The following MTO1 variants were observed in gnomAD, a reference collection of about 807,000 sequenced individuals.
MTO1 encodes 5-taurinomethyluridine-[tRNA] synthase subunit MTO1, mitochondrial.
MTO1 carries 46 observed loss-of-function variants against 71.6 expected under a neutral mutation model. That is an observed-to-expected ratio of 0.64 (90% CI 0.51 to 0.82). The LOEUF is 0.82. MTO1 is among the 40% of genes least tolerant of loss of function. The pLI is 0.00. For synonymous variants in MTO1, 297 were observed against 312.1 expected (o/e 0.95, Z 0.51); for missense variants, 773 against 867.5 (o/e 0.89, Z 1.37).
intron 9 of MTO1, among the ~76,000 whole-genome samples, chr6:73,486,124 G>A (rs1451961287): frequency 6.6e-6 from 1 of 152,094 alleles, no homozygotes; most frequent in African/African-American, 2.4e-5. Flanking sequence ...GTTGAGAATA[G>A]CTCAAAGCCT....
intron 3 of MTO1, among the ~76,000 whole-genome samples, chr6:73,469,291 TA>T (rs1284474533): frequency 6.6e-6 from 1 of 152,072 alleles, no homozygotes; most frequent in East Asian, 2.0e-4. Context: ...GTGTTGGGAT[TA>T]CAGGCATGAG....
intron 6 of MTO1, 25 bp from the exon 7 acceptor site, chr6:73,480,650 T>C: frequency 8.1e-6 from 13 of 1,612,722 alleles, no homozygotes; most frequent in Non-Finnish European, 1.1e-5. Flanking sequence ...TATTTACTTA[T>C]TTAATGTCTT....
intron 9 of MTO1, among the ~76,000 whole-genome samples, chr6:73,490,878 T>C (rs1238423093): frequency 6.6e-6 from 1 of 152,098 alleles, no homozygotes; most frequent in African/African-American, 2.4e-5. Flanking sequence ...GGGGGCTTTG[T>C]AATATCAAGA....
At chr6:73,472,536 TACTC>T (rs1365504906) in intron 3 of MTO1, among the ~76,000 whole-genome samples, 1 of 152,202 alleles carries the variant, frequency 6.6e-6, no homozygotes, top group Non-Finnish European at 1.5e-5. Context: ...TTAGCCTTCT[TACTC>T]ATTTAAAATT....
At chr6:73,465,715 G>A (rs192760840) in intron 1 of MTO1, among the ~76,000 whole-genome samples, 7 of 152,190 alleles carry the variant, frequency 4.6e-5, no homozygotes, top group East Asian at 3.9e-4. Context: ...GGCCGGGCGC[G>A]GTGGCTCACG....
At chr6:73,486,599 C>T (rs1162755692) in intron 9 of MTO1, 1 of 434,904 alleles carries the variant, frequency 2.3e-6, no homozygotes, top group Non-Finnish European at 4.6e-6. Flanking sequence ...ATTTTCCAGG[C>T]GTGGTGGCAG....
intron 11 of MTO1, among the ~76,000 whole-genome samples, chr6:73,498,949 G>A (rs574856462): frequency 6.6e-6 from 1 of 151,984 alleles, no homozygotes; most frequent in African/African-American, 2.4e-5. Context: ...GGATGGTCTC[G>A]ATCTCCTGAC....
Position 73,497,727 on chromosome 6 carries a change from G to A in MTO1, c.1757-9G>A. On this transcript the variant is annotated splice_polypyrimidine_tract_variant and intron_variant, in intron 10 of 11. Coordinates refer to ENST00000498286, the MANE Select transcript of MTO1 (RefSeq NM_012123.4). Reference sequence around the variant, plus strand: ...GGTATTATAACATGATTCTGATTTTGTTGACCAGCCACTTATGAATCAGTG... The same window carrying A: ...GGTATTATAACATGATTCTGATTTTATTGACCAGCCACTTATGAATCAGTG... 1 of 1,607,834 alleles carries A rather than the reference G, an allele frequency of 6.2e-7. No individual in the cohort carries two copies.
intron 10 of MTO1, among the ~76,000 whole-genome samples, chr6:73,497,352 C>T (rs1772016569): frequency 2.0e-5 from 3 of 151,596 alleles, no homozygotes; most frequent in Admixed American, 2.0e-4. Flanking sequence ...TGGCATTTCA[C>T]CATGTTCCCC....
At chr6:73,487,140 A>G (rs1307012441) in intron 9 of MTO1, among the ~76,000 whole-genome samples, 1 of 151,532 alleles carries the variant, frequency 6.6e-6, no homozygotes, top group Non-Finnish European at 1.5e-5. Context: ...GTTAATGTAC[A>G]TGTTAGTGCT....
At chr6:73,488,937 C>A (rs1221843191) in intron 9 of MTO1, among the ~76,000 whole-genome samples, 1 of 152,098 alleles carries the variant, frequency 6.6e-6, no homozygotes, top group African/African-American at 2.4e-5. Flanking sequence ...ACAACAACAA[C>A]AACAAAATGG....
In MTO1 at chr6:73,508,694, T is replaced by C. The variant is rs1276715091; in HGVS notation, c.*7959T>C. 6.6e-6 allele frequency: 1 copy of C among 152,102 alleles called. No homozygotes were observed. Among genetic ancestry groups the C allele is most frequent in the East Asian group, 1.9e-4 (1 of 5,190 alleles). 9.4% of individuals were successfully genotyped at this position (152,102 alleles called of 1,614,324 possible). A position where few individuals can be genotyped will look rare whatever the true frequency, so the allele number is the denominator to read the frequency against. On this transcript the variant is annotated 3_prime_UTR_variant, in exon 12 of 12. Coordinates refer to ENST00000498286, the MANE Select transcript of MTO1 (RefSeq NM_012123.4). Reference sequence around the variant, plus strand: ...AAGAAATGCATCCCTAACTTCAACATAAAGATAGCTATGAGAAAACATTCT... The same window carrying C: ...AAGAAATGCATCCCTAACTTCAACACAAAGATAGCTATGAGAAAACATTCT...
At chr6:73,469,657 G>A (rs1015349487) in intron 3 of MTO1, among the ~76,000 whole-genome samples, 15 of 151,488 alleles carry the variant, frequency 9.9e-5, no homozygotes, top group Non-Finnish European at 1.5e-5. Flanking sequence ...ACACTTAACT[G>A]GAAGATTTGT....
At chr6:73,476,834 G>C (rs1006421904) in intron 4 of MTO1, among the ~76,000 whole-genome samples, 12 of 151,142 alleles carry the variant, frequency 7.9e-5, no homozygotes, top group Non-Finnish European at 1.5e-4. Context: ...TATCCCCCAG[G>C]CTGGAGTGCA....
rs568194950 is a variant in MTO1, at chr6:73,480,199, A to C, written c.1129+73A>C. ...AATGGTCAGTGAGGAGGCCTTAGCT[A>C]CAGTCATTGTTGTTCAGAGCCTCAG... is the stretch of plus-strand genomic sequence containing the variant. On this transcript the variant is annotated intron_variant, in intron 6 of 11. Coordinates refer to ENST00000498286, the MANE Select transcript of MTO1 (RefSeq NM_012123.4). The C allele has an allele frequency of 3.5e-6, 5 of 1,418,868 alleles. No individual in the cohort carries two copies. In the East Asian group the frequency reaches 1.1e-4, roughly 32 times the overall value. 87.9% of individuals were successfully genotyped at this position (1,418,868 alleles called of 1,614,324 possible). A position where few individuals can be genotyped will look rare whatever the true frequency, so the allele number is the denominator to read the frequency against.
chr6:73,505,832 T>G lies in MTO1; in HGVS notation c.*5097T>G, dbSNP rs1276984274. On this transcript the variant is annotated 3_prime_UTR_variant, in exon 12 of 12. Coordinates refer to ENST00000498286, the MANE Select transcript of MTO1 (RefSeq NM_012123.4). Reference sequence around the variant, plus strand: ...TCCCAAAGTGCTGGGATTACAGGGGTGAGCCACCATGCCCAGTCCAGAATT... The same window carrying G: ...TCCCAAAGTGCTGGGATTACAGGGGGGAGCCACCATGCCCAGTCCAGAATT... The G allele has an allele frequency of 2.0e-5, 3 of 151,818 alleles. No homozygotes were observed. Among genetic ancestry groups the G allele is most frequent in the Non-Finnish European group, 4.4e-5 (3 of 67,966 alleles). The allele number at this position is 151,818 out of a possible 1,614,324, so 9.4% of individuals were successfully genotyped here. A position where few individuals can be genotyped will look rare whatever the true frequency, so the allele number is the denominator to read the frequency against.
rs984687775 is a variant in MTO1 at position 73,500,701 on chromosome 6, G to A, written c.2045G>A (p.Cys682Tyr). ...NESSKTDQYLCDADRLQEREL is the reference protein window; with the variant it reads ...NESSKTDQYLYDADRLQEREL ...TCATCCAAGACTGATCAATACTTAT[G>A]TGATGCAGACAGACTTCAAGAGAGA... The change falls in exon 12 of 12, where the codon TGT becomes TAT. Residue 682 changes from cysteine (C) to tyrosine (Y), a missense_variant. Transcript: ENST00000498286. 1 of 1,607,110 alleles carries A rather than the reference G, an allele frequency of 6.2e-7. No individual in the cohort carries two copies. The highest frequency in any genetic ancestry group is 1.7e-4 in the Middle Eastern group (1 of 6,042).
chr6:73,503,819 C>G lies in MTO1; in HGVS notation c.*3084C>G, dbSNP rs1772221526. On this transcript the variant is annotated 3_prime_UTR_variant, in exon 12 of 12. Transcript: ENST00000498286. ...CTATGCTAAATTAAACGATTATGGC[C>G]TTGAAAATGAAGTTCCTTTATAGCC... The G allele has an allele frequency of 6.6e-6, 1 of 152,130 alleles. No individual in the cohort carries two copies. The highest frequency in any genetic ancestry group is 6.6e-5 in the Admixed American group (1 of 15,264). 9.4% of individuals were successfully genotyped at this position (152,130 alleles called of 1,614,324 possible).
intron 3 of MTO1, among the ~76,000 whole-genome samples, chr6:73,468,571 C>T (rs1771063838): frequency 6.6e-6 from 1 of 151,844 alleles, no homozygotes; most frequent in Non-Finnish European, 1.5e-5. Context: ...TTGTCCCTTT[C>T]TTATGCTTGG....
Sources: gnomAD v4.1 joint callset for allele counts (sites outside exome capture counted in the v4.1 genomes callset) on GRCh38, gnomAD v4.1.1 for gene constraint, MANE v1.5 for transcripts, NCBI Gene and HGNC (gene_info 2026-07-23, HGNC 2026-07-21) for gene names.